The following FCHSD2 variants were observed in gnomAD, a reference collection of about 807,000 sequenced individuals.
FCHSD2 encodes the protein F-BAR and double SH3 domains protein 2.
In FCHSD2, 38 loss-of-function variants were observed where a neutral mutation model predicts 108.1. The ratio of observed to expected loss-of-function variants is 0.35; its 90% CI spans 0.27 to 0.46. The LOEUF (loss-of-function observed/expected upper bound fraction) is 0.46. Ranked by LOEUF, FCHSD2 falls within the 20% of genes least tolerant of loss-of-function variation. The probability of loss-of-function intolerance (pLI) is 1.00; values close to 1 mark genes in which losing one functional copy is unlikely to be tolerated. For synonymous variants in FCHSD2, 279 were observed against 314.7 expected, an observed-to-expected ratio of 0.89 and a Z score of 1.20; for missense variants, 751 against 897.8, an observed-to-expected ratio of 0.84 and a Z score of 2.09.
intron 2 of FCHSD2, among the ~76,000 whole-genome samples, chr11:73,132,201 T>A (rs768842076): frequency 2.6e-5 from 4 of 152,250 alleles, no homozygotes; most frequent in Non-Finnish European, 5.9e-5. Flanking sequence ...GTGCTTCTTA[T>A]AATTCATGAA....
chr11:73,065,403 C>T (rs983178715), intron 3 of FCHSD2, among the ~76,000 whole-genome samples: 1 of 152,276 alleles, frequency 6.6e-6, no homozygotes, highest in African/African-American at 2.4e-5. Flanking sequence ...CAATATCATA[C>T]TGAATGGGCA....
intron 9 of FCHSD2, among the ~76,000 whole-genome samples, chr11:72,908,942 T>C (rs148535285): frequency 2.0e-3 from 305 of 152,144 alleles, no homozygotes; most frequent in Admixed American, 3.7e-3. Flanking sequence ...GTGTGAGCCA[T>C]TGCATGTTGC....
intron 4 of FCHSD2, among the ~76,000 whole-genome samples, chr11:73,013,301 C>T (rs551618779): frequency 6.6e-6 from 1 of 152,160 alleles, no homozygotes; most frequent in African/African-American, 2.4e-5. Flanking sequence ...ATTTCTTTTA[C>T]CAAACTGTCT....
chr11:73,046,346 A>T (rs1261316611), intron 3 of FCHSD2, among the ~76,000 whole-genome samples: 2 of 152,334 alleles, frequency 1.3e-5, no homozygotes, highest in African/African-American at 4.8e-5. Flanking sequence ...AAAACAATTA[A>T]TAATAAAAAA....
intron 3 of FCHSD2, among the ~76,000 whole-genome samples, chr11:73,053,712 T>C (rs1858956522): frequency 6.6e-6 from 1 of 152,208 alleles, no homozygotes. Context: ...ATTTAATAAA[T>C]GGAGAGCTGC....
intron 11 of FCHSD2, 99 bp downstream of exon 11, chr11:72,889,730 C>T: frequency 1.4e-6 from 1 of 695,434 alleles, no homozygotes; most frequent in Non-Finnish European, 2.5e-6. Flanking sequence ...AACAAAACAA[C>T]ACATATAGGA....
At chr11:72,843,693 G>A (rs1591332373) in intron 14 of FCHSD2, 161 bp from the exon 15 acceptor site, 1 of 603,104 alleles carries the variant, frequency 1.7e-6, no homozygotes, top group Non-Finnish European at 2.9e-6. Flanking sequence ...ATGAGGTGAA[G>A]TTTTACTTTA....
rs146404333 is a variant in FCHSD2 at position 72,857,542 on chromosome 11, G to A, written c.1309-7653C>T. On this transcript the variant is annotated intron_variant, in intron 13 of 19. Coordinates refer to ENST00000409418, the MANE Select transcript of FCHSD2 (RefSeq NM_014824.3). Reference sequence around the variant, plus strand: ...CAACCTCTGCCTCTTGGGTTCAAGCGATTCTCCTGCCTCAGCCTCCGGAGT... The same window carrying A: ...CAACCTCTGCCTCTTGGGTTCAAGCAATTCTCCTGCCTCAGCCTCCGGAGT... Among the ~76,000 whole-genome samples the A allele has an allele frequency of 5.7e-3, 849 of 148,064 alleles. 12 individuals carry two copies. Among genetic ancestry groups the A allele is most frequent in the African/African-American group, 0.02 (822 of 40,176 alleles).
intron 2 of FCHSD2, among the ~76,000 whole-genome samples, chr11:73,091,279 C>T (rs1009400509): frequency 6.6e-6 from 1 of 152,336 alleles, no homozygotes; most frequent in Admixed American, 6.5e-5. Context: ...TGGCTCACGC[C>T]TGTAATCTCA....
At chr11:72,973,175 C>T (rs572772395) in intron 8 of FCHSD2, among the ~76,000 whole-genome samples, 1 of 152,220 alleles carries the variant, frequency 6.6e-6, no homozygotes, top group East Asian at 1.9e-4. Context: ...CAAGACCAGC[C>T]TGACCAACAT....
chr11:73,071,327 C>T (rs571071138), intron 3 of FCHSD2, among the ~76,000 whole-genome samples: 1 of 152,196 alleles, frequency 6.6e-6, no homozygotes, highest in East Asian at 1.9e-4. Context: ...TCCCAAAAAG[C>T]ATGATTTCCA....
At chr11:73,083,853 T>C in intron 2 of FCHSD2, 113 bp from the exon 3 acceptor site, 1 of 718,874 alleles carries the variant, frequency 1.4e-6, no homozygotes. Context: ...GAAAGGACAA[T>C]ATTTTATTCA....
At chr11:73,134,064 C>T (rs150003161) in intron 2 of FCHSD2, among the ~76,000 whole-genome samples, 2,164 of 151,722 alleles carry the variant, frequency 0.014, 22 homozygotes, top group Middle Eastern at 0.027. Flanking sequence ...CATCATGTAA[C>T]TTACATGATA....
chr11:73,008,141 C>T (rs2135425135), intron 4 of FCHSD2, among the ~76,000 whole-genome samples: 1 of 152,138 alleles, frequency 6.6e-6, no homozygotes. Context: ...GAGTTTGCGA[C>T]CAGCCTGGCC....
At chr11:72,941,321 T>G (rs1325144497) in intron 8 of FCHSD2, among the ~76,000 whole-genome samples, 1 of 151,958 alleles carries the variant, frequency 6.6e-6, no homozygotes, top group Non-Finnish European at 1.5e-5. Context: ...TAAAAACCTT[T>G]GCTAAGTCAC....
At chr11:73,092,086 T>C (rs563461015) in intron 2 of FCHSD2, among the ~76,000 whole-genome samples, 15 of 152,274 alleles carry the variant, frequency 9.9e-5, no homozygotes, top group African/African-American at 3.1e-4. Flanking sequence ...GAAGCCTTCC[T>C]GAATTCCTCT....
intron 3 of FCHSD2, among the ~76,000 whole-genome samples, chr11:73,068,120 T>C (rs1859339625): frequency 6.6e-6 from 1 of 152,064 alleles, no homozygotes; most frequent in Admixed American, 6.6e-5. Context: ...ACCAGGTCCC[T>C]CGCACAACAC....
intron 12 of FCHSD2, among the ~76,000 whole-genome samples, chr11:72,885,153 A>G (rs1236566061): frequency 6.6e-6 from 1 of 152,174 alleles, no homozygotes. Context: ...TAATCCTGTA[A>G]GTACTACCCC....
intron 1 of FCHSD2, chr11:73,141,437 G>C (rs1861245807): frequency 1.1e-5 from 2 of 188,280 alleles, no homozygotes; most frequent in African/African-American, 2.3e-5. Flanking sequence ...CAAACGGGCG[G>C]GGCTGGCGAC....
Sources: allele counts gnomAD v4.1 joint callset (sites outside exome capture counted in the v4.1 genomes callset), GRCh38; gene constraint gnomAD v4.1.1; transcripts MANE v1.5; gene names NCBI Gene and HGNC (gene_info 2026-07-23, HGNC 2026-07-21).